Variants in POLR2D observed in about 807,000 individuals in gnomAD.
POLR2D encodes the protein RNA polymerase II subunit D.
Under a neutral mutation model 17.6 loss-of-function variants are expected in POLR2D, and 10 were observed. The observed-to-expected ratio is 0.57, with a 90% CI of 0.35 to 0.96. The LOEUF (loss-of-function observed/expected upper bound fraction) is 0.96, where lower values mean the gene tolerates loss of function less well. POLR2D is among the 40% of genes least tolerant of loss of function. The probability of loss-of-function intolerance (pLI) is 0.02; values close to 1 mark genes in which losing one functional copy is unlikely to be tolerated. For synonymous variants in POLR2D, 52 were observed against 60.2 expected (o/e 0.86, Z 0.63); for missense variants, 126 against 176.4 (o/e 0.71, Z 1.62).
chr2:127,853,324 AT>A (rs1052957091), intron 1 of POLR2D, among the ~76,000 whole-genome samples: 15 of 152,112 alleles, frequency 9.9e-5, no homozygotes, highest in African/African-American at 3.4e-4. Flanking sequence ...CGAACAGACT[AT>A]TTTGTCATCC....
Position 127,858,100 on chromosome 2 carries a change from T to TCGCCGCGCCGCGCCGCGCCGCGCCG in POLR2D, c.-1_1insCGGCGCGGCGCGGCGCGGCGCGGCG, listed in dbSNP as rs759344343. On this transcript the variant is annotated 5_prime_UTR_variant, in exon 1 of 4. Coordinates refer to ENST00000272645, the MANE Select transcript of POLR2D (RefSeq NM_004805.4). ...CGCGGATCGCTGCCACCCGCCGCCA[T>TCGCCGCGCCGCGCCGCGCCGCGCCG]CGCCGCGCCGCGCCGCGCGCCACCA... The TCGCCGCGCCGCGCCGCGCCGCGCCG allele has an allele frequency of 6.7e-7, 1 of 1,497,876 alleles. No homozygotes were observed. Among genetic ancestry groups the TCGCCGCGCCGCGCCGCGCCGCGCCG allele is most frequent in the African/African-American group, 1.5e-5 (1 of 68,744 alleles). 92.8% of individuals were successfully genotyped at this position (1,497,876 alleles called of 1,614,324 possible).
intron 1 of POLR2D, among the ~76,000 whole-genome samples, chr2:127,855,822 CAATTT>C (rs1257521798): frequency 4.0e-5 from 6 of 148,838 alleles, no homozygotes; most frequent in East Asian, 4.0e-4. Flanking sequence ...CACACACACA[CAATTT>C]ATTTAGAAAC....
intron 1 of POLR2D, among the ~76,000 whole-genome samples, chr2:127,856,290 C>CAAAAAAGAAAAAAA (rs1690326862): frequency 3.9e-5 from 1 of 25,416 alleles, no homozygotes; most frequent in African/African-American, 1.3e-4. Flanking sequence ...GATCCCGTCT[C>CAAAAAAGAAAAAAA]AAAAAAAAAA....
chr2:127,854,265 G>GA (rs550460257), intron 1 of POLR2D, among the ~76,000 whole-genome samples: 111 of 152,118 alleles, frequency 7.3e-4, no homozygotes, highest in Middle Eastern at 3.2e-3. Context: ...TTACCCTTGG[G>GA]AAAATCATTC....
At position 127,845,797 on chromosome 2, in the gene POLR2D, TAAG is replaced by T. The variant is rs1375532204; in HGVS notation, c.*2307_*2309del. 6.6e-6 allele frequency: 1 copy of T among 152,222 alleles called. No homozygotes were observed. The highest frequency in any genetic ancestry group is 1.5e-5 in the Non-Finnish European group (1 of 68,048). 9.4% of individuals were successfully genotyped at this position (152,222 alleles called of 1,614,324 possible). A position where few individuals can be genotyped will look rare whatever the true frequency, so the allele number is the denominator to read the frequency against. ...ATACTAGCTCATCTGCCTGAGATGC[TAAG>T]AATAGTGAACATTTACTGGAACATA... On this transcript the variant is annotated 3_prime_UTR_variant, in exon 4 of 4. Coordinates refer to ENST00000272645, the MANE Select transcript of POLR2D (RefSeq NM_004805.4).
At position 127,845,573 on chromosome 2, in the gene POLR2D, C is replaced by T. The variant is rs1487812205; in HGVS notation, c.*2534G>A. ...TATTTTAAGTAGAGACGGGGTTTCT[C>T]CATGTTGGTCAGGATGGTCTCAAAC... On this transcript the variant is annotated 3_prime_UTR_variant, in exon 4 of 4. Coordinates refer to ENST00000272645, the MANE Select transcript of POLR2D (RefSeq NM_004805.4). The T allele has an allele frequency of 3.3e-5, 5 of 152,008 alleles. No homozygotes were observed. The highest frequency in any genetic ancestry group is 7.3e-5 in the Non-Finnish European group (5 of 68,066). 9.4% of individuals were successfully genotyped at this position (152,008 alleles called of 1,614,324 possible). A position where few individuals can be genotyped will look rare whatever the true frequency, so the allele number is the denominator to read the frequency against.
In POLR2D at chr2:127,844,442, T is replaced by C. The variant is rs531982697; in HGVS notation, c.*3665A>G. 1 of 152,344 alleles carries C rather than the reference T, an allele frequency of 6.6e-6. No individual in the cohort carries two copies. The highest frequency in any genetic ancestry group is 2.1e-4 in the South Asian group (1 of 4,828). The allele number at this position is 152,344 out of a possible 1,614,324, so 9.4% of individuals were successfully genotyped here. A position where few individuals can be genotyped will look rare whatever the true frequency, so the allele number is the denominator to read the frequency against. ...CCTATCTTTTTGTTGTATCAGTATGTTCCCAAATTCTTTCCTGATTTTACA... is the reference window on the plus strand; with the variant it reads ...CCTATCTTTTTGTTGTATCAGTATGCTCCCAAATTCTTTCCTGATTTTACA... On this transcript the variant is annotated 3_prime_UTR_variant, in exon 4 of 4. Transcript: ENST00000272645.
rs890654839 is a variant in POLR2D at position 127,846,377 on chromosome 2, C to T, written c.*1730G>A. 1 of 152,162 alleles carries T rather than the reference C, an allele frequency of 6.6e-6. No homozygotes were observed. The highest frequency in any genetic ancestry group is 1.9e-4 in the East Asian group (1 of 5,198). The allele number at this position is 152,162 out of a possible 1,614,324, so 9.4% of individuals were successfully genotyped here. The stretch of plus-strand genomic sequence containing the variant: ...TTTTTCCTTGGATCACAAGTTCATA[C>T]AGAGTCAAGCAAGTGCCCCAAAGAA... On this transcript the variant is annotated 3_prime_UTR_variant, in exon 4 of 4. Coordinates refer to ENST00000272645, the MANE Select transcript of POLR2D (RefSeq NM_004805.4).
At chr2:127,849,243 A>G (rs1690206608) in intron 3 of POLR2D, among the ~76,000 whole-genome samples, 1 of 150,724 alleles carries the variant, frequency 6.6e-6, no homozygotes, top group Non-Finnish European at 1.5e-5. Flanking sequence ...GAGTTCCACC[A>G]TGTTGGCCAG....
chr2:127,850,271 T>C lies in POLR2D; in HGVS notation c.350+319A>G, dbSNP rs575970937. On this transcript the variant is annotated intron_variant, in intron 3 of 3. Transcript: ENST00000272645. The stretch of plus-strand genomic sequence containing the variant: ...GCCTGACCAACATGGAGATACCCCA[T>C]CTCTACTAAAAACACAAAATTAGCC... 1.1e-4 allele frequency among the ~76,000 whole-genome samples: 16 copies of C among 151,822 alleles called. No homozygotes were observed. The East Asian group carries it at 2.7e-3, about 26-fold the overall frequency.
rs1690237934 is a variant in POLR2D at position 127,850,689 on chromosome 2, A to G, written c.255-4T>C. On this transcript the variant is annotated splice_polypyrimidine_tract_variant and splice_region_variant and intron_variant, in intron 2 of 3. Transcript: ENST00000272645. The stretch of plus-strand genomic sequence containing the variant: ...AAGCTTTTTCTGGAGTAGCAAGCTA[A>G]TCAAAAGGAAAAAAAAAAAATCAAA... The G allele has an allele frequency of 5.7e-6, 8 of 1,391,982 alleles. No individual in the cohort carries two copies. Among genetic ancestry groups the G allele is most frequent in the Non-Finnish European group, 7.8e-6 (8 of 1,022,364 alleles). The allele number at this position is 1,391,982 out of a possible 1,614,324, so 86.2% of individuals were successfully genotyped here. A position where few individuals can be genotyped will look rare whatever the true frequency, so the allele number is the denominator to read the frequency against.
chr2:127,853,347 A>G (rs1417535172), intron 1 of POLR2D, among the ~76,000 whole-genome samples: 2 of 152,198 alleles, frequency 1.3e-5, no homozygotes, highest in African/African-American at 4.8e-5. Flanking sequence ...AGTGATAAGC[A>G]TAGTACTGAT....
At chr2:127,855,252 G>A (rs1690309490) in intron 1 of POLR2D, among the ~76,000 whole-genome samples, 1 of 151,846 alleles carries the variant, frequency 6.6e-6, no homozygotes. Flanking sequence ...AATTAGTCGG[G>A]AGTGGTGGCA....
chr2:127,854,491 T>C (rs1690299289), intron 1 of POLR2D, among the ~76,000 whole-genome samples: 1 of 152,190 alleles, frequency 6.6e-6, no homozygotes, highest in African/African-American at 2.4e-5. Context: ...GCTATGGGTC[T>C]GTTTACTATC....
chr2:127,857,275 G>A (rs1690352285), intron 1 of POLR2D: 1 of 152,130 alleles, frequency 6.6e-6, no homozygotes, highest in Non-Finnish European at 1.5e-5. Context: ...CTCTGATCAT[G>A]CCACTATACT....
chr2:127,847,979 G>C lies in POLR2D; in HGVS notation c.*128C>G, dbSNP rs1039550494. On this transcript the variant is annotated 3_prime_UTR_variant, in exon 4 of 4. Transcript: ENST00000272645. ...AGCAACCTAACCCCACGCCAAGCTG[G>C]GCTGTTTTCTCCAAAGGAATTCTCA... 2.7e-6 allele frequency: 2 copies of C among 737,854 alleles called. No individual in the cohort carries two copies. Among genetic ancestry groups the C allele is most frequent in the South Asian group, 3.0e-5 (2 of 67,420 alleles). 45.7% of individuals were successfully genotyped at this position (737,854 alleles called of 1,614,324 possible). A position where few individuals can be genotyped will look rare whatever the true frequency, so the allele number is the denominator to read the frequency against.
intron 3 of POLR2D, 26 bp from the exon 4 acceptor site, chr2:127,848,211 T>A: frequency 6.6e-7 from 1 of 1,524,286 alleles, no homozygotes; most frequent in Non-Finnish European, 9.1e-7. Context: ...AAGAAATGAG[T>A]GATTTGGCGA....
At chr2:127,856,597 TA>T (rs201728514) in intron 1 of POLR2D, among the ~76,000 whole-genome samples, 3,701 of 145,738 alleles carry the variant, frequency 0.025, 137 homozygotes, top group African/African-American at 0.088. Context: ...AAAATAAAAT[TA>T]AAAAAAAAAT....
At chr2:127,850,317 G>A (rs901297360) in intron 3 of POLR2D, among the ~76,000 whole-genome samples, 1 of 151,678 alleles carries the variant, frequency 6.6e-6, no homozygotes, top group Non-Finnish European at 1.5e-5. Flanking sequence ...GTGCGTGCCT[G>A]TAATCCCAGC....
Sources: gnomAD v4.1 joint callset for allele counts (sites outside exome capture counted in the v4.1 genomes callset) on GRCh38, gnomAD v4.1.1 for gene constraint, MANE v1.5 for transcripts, NCBI Gene and HGNC (gene_info 2026-07-23, HGNC 2026-07-21) for gene names.